SIPA1L3: variants seen among roughly 807,000 people sequenced by gnomAD.
SIPA1L3 encodes the protein signal-induced proliferation-associated 1-like protein 3.
Under a neutral mutation model 150.1 loss-of-function variants are expected in SIPA1L3, and 59 were observed. The observed-to-expected ratio is 0.39, with a 90% confidence interval of 0.32 to 0.49. The LOEUF is 0.49. Ranked by LOEUF, SIPA1L3 falls within the 20% of genes least tolerant of loss-of-function variation. SIPA1L3 has a pLI of 0.86. For synonymous variants in SIPA1L3, 1,070 were observed against 1,077.6 expected (o/e 0.99, Z 0.14); for missense variants, 2,211 against 2,489.5 (o/e 0.89, Z 2.38).
At chr19:38,134,579 C>T (rs531351854) in intron 10 of SIPA1L3, among the ~76,000 whole-genome samples, 17 of 151,278 alleles carry the variant, frequency 1.1e-4, no homozygotes, top group Non-Finnish European at 1.6e-4. Flanking sequence ...TGGTAGCGTG[C>T]GCCTGTAGTT....
intron 8 of SIPA1L3, among the ~76,000 whole-genome samples, chr19:38,113,802 T>C (rs993603665): frequency 6.6e-6 from 1 of 152,166 alleles, no homozygotes; most frequent in African/African-American, 2.4e-5. Flanking sequence ...AAATAATTGT[T>C]GAATAAATAA....
chr19:38,098,586 G>C (rs1456477206), intron 4 of SIPA1L3, among the ~76,000 whole-genome samples: 4 of 152,078 alleles, frequency 2.6e-5, no homozygotes, highest in East Asian at 3.9e-4. Flanking sequence ...ATGGAGACAG[G>C]GTTTTGCCAT....
chr19:38,208,292 T>C lies in SIPA1L3; in HGVS notation c.*2052T>C, dbSNP rs1767924709. On this transcript the variant is annotated 3_prime_UTR_variant, in exon 22 of 22. Transcript: ENST00000222345. Reference sequence around the variant, plus strand: ...TTTTTTTATTATTCTTTATTGTCTTTTTTTTTTCCCCATCCCTGTCTTGAG... The same window carrying C: ...TTTTTTTATTATTCTTTATTGTCTTCTTTTTTTCCCCATCCCTGTCTTGAG... The C allele has an allele frequency of 6.6e-6, 1 of 152,438 alleles. No individual in the cohort carries two copies. The highest frequency in any genetic ancestry group is 1.5e-5 in the Non-Finnish European group (1 of 68,008). The allele number at this position is 152,438 out of a possible 1,614,324, so 9.4% of individuals were successfully genotyped here. A position where few individuals can be genotyped will look rare whatever the true frequency, so the allele number is the denominator to read the frequency against.
In SIPA1L3 at chr19:38,182,136, C is replaced by CAAAA. The variant is rs4006822; in HGVS notation, c.4209-373_4209-370dup. On this transcript the variant is annotated intron_variant, in intron 15 of 21. Transcript: ENST00000222345. ...AGCCTGGGTGACTGAGACCCTGTCT[C>CAAAA]AAAAAAAAAAAAAGAAAGGTTAGGA... Among the ~76,000 whole-genome samples the CAAAA allele has an allele frequency of 3.7e-3, 479 of 130,054 alleles. 5 individuals are homozygous for CAAAA. Among genetic ancestry groups the CAAAA allele is most frequent in the African/African-American group, 6.2e-3 (189 of 30,406 alleles). The allele number at this position is 130,054 out of a possible 152,430, so 85.3% of individuals were successfully genotyped here. A position where few individuals can be genotyped will look rare whatever the true frequency, so the allele number is the denominator to read the frequency against.
chr19:38,119,992 G>A lies in SIPA1L3; in HGVS notation c.2868+110G>A, dbSNP rs139354600. The A allele has an allele frequency of 1.0e-3, 726 of 704,884 alleles. 1 individual carries two copies. The African/African-American group carries it at 0.012, about 11-fold the overall frequency. The allele number at this position is 704,884 out of a possible 1,614,324, so 43.7% of individuals were successfully genotyped here. A position where few individuals can be genotyped will look rare whatever the true frequency, so the allele number is the denominator to read the frequency against. ...GTTAGGCTAAGACACGCACTGGCCCGGAGAGAATCACAGTTGTCACTTACA... is the reference window on the plus strand; with the variant it reads ...GTTAGGCTAAGACACGCACTGGCCCAGAGAGAATCACAGTTGTCACTTACA... On this transcript the variant is annotated intron_variant, in intron 9 of 21. Coordinates refer to ENST00000222345, the MANE Select transcript of SIPA1L3 (RefSeq NM_015073.3).
intron 15 of SIPA1L3, among the ~76,000 whole-genome samples, chr19:38,180,537 CT>C (rs60445902): frequency 0.38 from 47,801 of 124,286 alleles, 7,969 homozygotes; most frequent in Middle Eastern, 0.52. Flanking sequence ...TTTTTCTTTT[CT>C]TTTTTTTTTT....
intron 1 of SIPA1L3, among the ~76,000 whole-genome samples, chr19:37,975,205 G>C (rs567611792): frequency 6.6e-6 from 1 of 152,272 alleles, no homozygotes; most frequent in African/African-American, 2.4e-5. Flanking sequence ...CTGCAGCTGT[G>C]ATACATACCA....
At chr19:37,911,691 TTAG>T (rs1191790136) in intron 1 of SIPA1L3, among the ~76,000 whole-genome samples, 1 of 151,786 alleles carries the variant, frequency 6.6e-6, no homozygotes, top group East Asian at 2.0e-4. Context: ...TTTTGTATTT[TTAG>T]TAGAGATGGG....
intron 12 of SIPA1L3, among the ~76,000 whole-genome samples, chr19:38,143,727 C>T (rs1211160078): frequency 1.3e-5 from 2 of 151,856 alleles, no homozygotes; most frequent in African/African-American, 2.4e-5. Flanking sequence ...TTAGTAGAGA[C>T]GGATTTTCAC....
chr19:38,014,859 C>CG (rs1968195771), intron 1 of SIPA1L3, among the ~76,000 whole-genome samples: 1 of 151,814 alleles, frequency 6.6e-6, no homozygotes, highest in Non-Finnish European at 1.5e-5. Flanking sequence ...GTAGTAGAGA[C>CG]GGGGTTTCAC....
At chr19:38,110,476 T>G in intron 8 of SIPA1L3, 92 bp downstream of exon 8, 10 of 1,047,504 alleles carry the variant, frequency 9.5e-6, no homozygotes, top group Non-Finnish European at 1.4e-5. Context: ...CCCCCACACC[T>G]CACGTTGTGC....
intron 1 of SIPA1L3, among the ~76,000 whole-genome samples, chr19:37,984,942 G>A (rs1181373193): frequency 1.3e-5 from 2 of 152,202 alleles, no homozygotes; most frequent in Non-Finnish European, 2.9e-5. Flanking sequence ...CCTCTTGTCT[G>A]TGCTAAACAC....
intron 16 of SIPA1L3, among the ~76,000 whole-genome samples, chr19:38,186,626 A>G (rs1972684287): frequency 6.8e-6 from 1 of 147,288 alleles, no homozygotes; most frequent in South Asian, 2.3e-4. Flanking sequence ...AAGTGCTGGG[A>G]TTACAGTTGT....
chr19:38,035,436 G>A (rs752167455), intron 2 of SIPA1L3, among the ~76,000 whole-genome samples: 15 of 152,276 alleles, frequency 9.9e-5, no homozygotes, highest in Non-Finnish European at 1.8e-4. Flanking sequence ...GGGGCTGTGG[G>A]AACCCCAAGA....
chr19:38,148,888 T>C (rs547620448), intron 12 of SIPA1L3, among the ~76,000 whole-genome samples: 1 of 152,312 alleles, frequency 6.6e-6, no homozygotes, highest in South Asian at 2.1e-4. Flanking sequence ...TACTTTAAAA[T>C]TACTCAGATG....
At chr19:37,957,523 A>G (rs1467488124) in intron 1 of SIPA1L3, among the ~76,000 whole-genome samples, 2 of 150,714 alleles carry the variant, frequency 1.3e-5, no homozygotes, top group Non-Finnish European at 3.0e-5. Context: ...TATTTTTTTT[A>G]TGCTATTGTG....
In SIPA1L3 at chr19:38,164,691, C is replaced by T. The variant is rs113677218; in HGVS notation, c.3993C>T (p.Pro1331=). The change falls in exon 15 of 22, where the codon CCC becomes CCT. Residue 1331 remains proline, a synonymous_variant. Transcript: ENST00000222345. This position sits in a 1 kb window ranked among gnomAD's most constrained non-coding sequence, Gnocchi z 4.1. ...TGTCCCTGGCCAAGGCTCCACGGCC[C>T]GCCAAGCCACACAAGCCCCCTGGAA... ...SCMSLAKAPR[P]AKPHKPPGSM... 2.5e-5 allele frequency: 41 copies of T among 1,613,842 alleles called. No individual in the cohort carries two copies. The highest frequency in any genetic ancestry group is 1.6e-4 in the Middle Eastern group (1 of 6,084).
At chr19:37,992,741 TG>T (rs1478053435) in intron 1 of SIPA1L3, among the ~76,000 whole-genome samples, 1 of 152,148 alleles carries the variant, frequency 6.6e-6, no homozygotes, top group Non-Finnish European at 1.5e-5. Flanking sequence ...AGTGGTGACA[TG>T]AGGCTCCATG....
intron 2 of SIPA1L3, among the ~76,000 whole-genome samples, chr19:38,035,082 A>G (rs1436421599): frequency 6.6e-6 from 1 of 152,164 alleles, no homozygotes; most frequent in African/African-American, 2.4e-5. Flanking sequence ...GGAGGTGCCT[A>G]ACCCAGCCTA....
Sources: allele counts gnomAD v4.1 joint callset (sites outside exome capture counted in the v4.1 genomes callset), GRCh38; gene constraint gnomAD v4.1.1; non-coding constraint Gnocchi (gnomAD v3.1); transcripts MANE v1.5; gene names NCBI Gene and HGNC (gene_info 2026-07-23, HGNC 2026-07-21).